RALGAPA1: variants seen among roughly 807,000 people sequenced by gnomAD.
The protein encoded by RALGAPA1 is Ral GTPase activating protein catalytic subunit alpha 1.
In RALGAPA1, 52 loss-of-function variants were observed where a neutral mutation model predicts 269.6. The observed-to-expected ratio is 0.19, with a 90% CI of 0.15 to 0.24. The LOEUF is 0.24. Among genes scored for constraint, RALGAPA1 ranks in the 10% least tolerant of loss-of-function variants. The pLI is 1.00. For synonymous variants in RALGAPA1, 817 were observed against 1,008.3 expected, an observed-to-expected ratio of 0.81 and a Z score of 3.60; for missense variants, 1,917 against 3,013.9, an observed-to-expected ratio of 0.64 and a Z score of 8.52.
At chr14:35,678,127 AC>A in intron 21 of RALGAPA1, 25 bp from the exon 22 acceptor site, 1 of 1,592,552 alleles carries the variant, frequency 6.3e-7, no homozygotes, top group Non-Finnish European at 8.5e-7. Context: ...TCATAAAATT[AC>A]CATAAAGAGT....
chr14:35,618,096 G>T (rs1282714908), intron 35 of RALGAPA1, among the ~76,000 whole-genome samples: 1 of 152,104 alleles, frequency 6.6e-6, no homozygotes, highest in African/African-American at 2.4e-5. Flanking sequence ...GAAATGTTAT[G>T]ATTTCTTCCA....
At chr14:35,768,420 T>C (rs2074322327) in intron 4 of RALGAPA1, among the ~76,000 whole-genome samples, 1 of 152,176 alleles carries the variant, frequency 6.6e-6, no homozygotes, top group Admixed American at 6.5e-5. Context: ...TTGAGTATGA[T>C]GGCTCACACC....
chr14:35,757,260 T>G (rs1005060188), intron 6 of RALGAPA1, among the ~76,000 whole-genome samples: 1 of 152,000 alleles, frequency 6.6e-6, no homozygotes, highest in Non-Finnish European at 1.5e-5. Context: ...TAGCTGGGAT[T>G]ACAGGCTCCT....
intron 39 of RALGAPA1, among the ~76,000 whole-genome samples, chr14:35,565,445 A>G (rs900231718): frequency 2.6e-5 from 4 of 152,000 alleles, no homozygotes. Context: ...ACTTTGGGTA[A>G]AGCAGATTAC....
At chr14:35,640,426 A>G (rs898827366) in intron 31 of RALGAPA1, among the ~76,000 whole-genome samples, 2 of 152,184 alleles carry the variant, frequency 1.3e-5, no homozygotes, top group African/African-American at 4.8e-5. Context: ...GATACAGCAG[A>G]AATTAAAAGA....
chr14:35,615,410 G>A (rs1390311338), intron 35 of RALGAPA1, among the ~76,000 whole-genome samples: 1 of 152,126 alleles, frequency 6.6e-6, no homozygotes, highest in Non-Finnish European at 1.5e-5. Context: ...TGTTAACAAA[G>A]TAATCTTTCA....
chr14:35,601,737 T>C (rs2059302293), intron 36 of RALGAPA1, among the ~76,000 whole-genome samples: 2 of 152,196 alleles, frequency 1.3e-5, no homozygotes, highest in East Asian at 1.9e-4. Context: ...CTTTTCTCCA[T>C]CTTTCAGAGT....
At chr14:35,681,872 T>C (rs1445623169) in intron 21 of RALGAPA1, among the ~76,000 whole-genome samples, 1 of 152,230 alleles carries the variant, frequency 6.6e-6, no homozygotes, top group East Asian at 1.9e-4. Context: ...TTTTTTAGAA[T>C]GTTATACACA....
At chr14:35,754,289 G>A (rs532538778) in intron 7 of RALGAPA1, among the ~76,000 whole-genome samples, 11 of 152,152 alleles carry the variant, frequency 7.2e-5, no homozygotes, top group African/African-American at 2.4e-4. Context: ...CTATGAAAAC[G>A]GAAAGACGAG....
At chr14:35,763,576 T>C (rs1180220139) in intron 4 of RALGAPA1, among the ~76,000 whole-genome samples, 2 of 152,178 alleles carry the variant, frequency 1.3e-5, no homozygotes, top group South Asian at 4.1e-4. Context: ...TTAAGAAATT[T>C]ATCTATACTT....
chr14:35,571,994 C>A (rs931616214), intron 38 of RALGAPA1, among the ~76,000 whole-genome samples: 1 of 152,082 alleles, frequency 6.6e-6, no homozygotes, highest in Admixed American at 6.6e-5. Context: ...AAGGAACACA[C>A]CAAAAATACT....
At chr14:35,727,310 CAT>C (rs34288628) in intron 13 of RALGAPA1, among the ~76,000 whole-genome samples, 11,932 of 104,022 alleles carry the variant, frequency 0.11, 584 homozygotes, top group East Asian at 0.3. Context: ...AAAATTATGG[CAT>C]ATATATATAT....
intron 1 of RALGAPA1, among the ~76,000 whole-genome samples, chr14:35,789,522 G>A (rs954172525): frequency 2.3e-4 from 35 of 152,122 alleles, no homozygotes; most frequent in East Asian, 1.2e-3. Flanking sequence ...AACCTGGAAG[G>A]TGTAAGTTGC....
chr14:35,608,954 C>T lies in RALGAPA1; in HGVS notation c.6930-3245G>A, dbSNP rs534798129. On this transcript the variant is annotated intron_variant, in intron 35 of 41. Transcript: ENST00000680220. Reference sequence around the variant, plus strand: ...CCATAAAACAAGCCTTGGCCAGGTGCGATGGCTTACGCCTGTAATCCCAGC... The same window carrying T: ...CCATAAAACAAGCCTTGGCCAGGTGTGATGGCTTACGCCTGTAATCCCAGC... Among the ~76,000 whole-genome samples the T allele has an allele frequency of 1.2e-4, 18 of 152,300 alleles. No individual in the cohort carries two copies. In the South Asian group the frequency reaches 2.9e-3, roughly 25 times the overall value.
chr14:35,661,242 ATG>A (rs1205916521), intron 27 of RALGAPA1, among the ~76,000 whole-genome samples: 1 of 152,178 alleles, frequency 6.6e-6, no homozygotes, highest in Non-Finnish European at 1.5e-5. Context: ...CACCTTAAAT[ATG>A]TGAAATTTTT....
chr14:35,659,018 A>G (rs2063375076), intron 28 of RALGAPA1, 120 bp downstream of exon 28: 1 of 513,782 alleles, frequency 1.9e-6, no homozygotes, highest in Admixed American at 3.9e-5. Context: ...GTAACTTAAA[A>G]TTGTAATTCA....
At chr14:35,553,098 T>C (rs2055179972) in intron 39 of RALGAPA1, among the ~76,000 whole-genome samples, 1 of 152,148 alleles carries the variant, frequency 6.6e-6, no homozygotes, top group Non-Finnish European at 1.5e-5. Context: ...GCTCACTTCA[T>C]AGGGTGTTGA....
At chr14:35,742,111 C>T (rs2071611511) in intron 11 of RALGAPA1, among the ~76,000 whole-genome samples, 1 of 152,122 alleles carries the variant, frequency 6.6e-6, no homozygotes, top group Non-Finnish European at 1.5e-5. Context: ...ATAACAGTAC[C>T]TAATTTTTAT....
intron 18 of RALGAPA1, among the ~76,000 whole-genome samples, chr14:35,687,300 G>T (rs986120089): frequency 1.3e-5 from 2 of 151,962 alleles, no homozygotes; most frequent in East Asian, 3.8e-4. Context: ...TTAGACTTGG[G>T]AAACTAACTT....
Sources: allele counts gnomAD v4.1 joint callset (sites outside exome capture counted in the v4.1 genomes callset), GRCh38; gene constraint gnomAD v4.1.1; transcripts MANE v1.5; gene names NCBI Gene and HGNC (gene_info 2026-07-23, HGNC 2026-07-21).